PCDHA5: variants seen among roughly 807,000 people sequenced by gnomAD.
PCDHA5 encodes the protein protocadherin alpha-5.
In PCDHA5, 43 loss-of-function variants were observed where a neutral mutation model predicts 61.6. The ratio of observed to expected loss-of-function variants is 0.70; its 90% CI spans 0.55 to 0.90. The LOEUF is 0.90. Among genes scored for constraint, PCDHA5 ranks in the 40% least tolerant of loss-of-function variants. PCDHA5 has a pLI of 0.00. For synonymous variants in PCDHA5, 627 were observed against 543.9 expected (o/e 1.15, Z -2.13); for missense variants, 1,298 against 1,222.7 (o/e 1.06, Z -0.92).
intron 3 of PCDHA5, among the ~76,000 whole-genome samples, chr5:140,989,205 C>G (rs750885432): frequency 6.6e-6 from 1 of 152,192 alleles, no homozygotes; most frequent in Admixed American, 6.5e-5. Flanking sequence ...TTCTAGCTTT[C>G]TTTATACACC....
chr5:140,980,614 G>T (rs2153822225), intron 2 of PCDHA5, among the ~76,000 whole-genome samples: 1 of 152,088 alleles, frequency 6.6e-6, no homozygotes, highest in Admixed American at 6.5e-5. Context: ...TGGCGACAGT[G>T]CGAGACTCTG....
chr5:140,828,786 T>C (rs2150158991), intron 1 of PCDHA5: 1 of 1,614,102 alleles, frequency 6.2e-7, no homozygotes, highest in Non-Finnish European at 8.5e-7. Context: ...CTGGTCACAG[T>C]GCTGGATGTG....
chr5:140,964,560 TGGGAGGAGATAAG>T (rs2095840156), intron 1 of PCDHA5, among the ~76,000 whole-genome samples: 1 of 152,082 alleles, frequency 6.6e-6, no homozygotes, highest in Admixed American at 6.6e-5. Context: ...CTTGGAGGGC[TGGGAGGAGATAAG>T]GGGAGGAAAG....
intron 1 of PCDHA5, among the ~76,000 whole-genome samples, chr5:140,944,520 T>G (rs1554216391): frequency 6.6e-6 from 1 of 152,140 alleles, no homozygotes; most frequent in Non-Finnish European, 1.5e-5. Flanking sequence ...TATTTTGTGC[T>G]TTAAATGATT....
intron 1 of PCDHA5, among the ~76,000 whole-genome samples, chr5:140,894,455 T>C (rs1316862860): frequency 6.6e-6 from 1 of 152,000 alleles, no homozygotes; most frequent in Non-Finnish European, 1.5e-5. Flanking sequence ...TTAAAAAATA[T>C]TTTACTTTTT....
chr5:140,830,001 T>C, intron 1 of PCDHA5: 1 of 1,613,958 alleles, frequency 6.2e-7, no homozygotes, highest in South Asian at 1.1e-5. Flanking sequence ...ACTCGTGTCC[T>C]GGACGAAGCG....
At chr5:140,853,785 C>A in intron 1 of PCDHA5, 1 of 987,514 alleles carries the variant, frequency 1.0e-6, no homozygotes. Flanking sequence ...GTAGTAAGAG[C>A]AAATTTTCAT....
chr5:140,843,792 GT>G, intron 1 of PCDHA5: 1 of 1,356,394 alleles, frequency 7.4e-7, no homozygotes, highest in South Asian at 1.4e-5. Flanking sequence ...TTCAGATTTA[GT>G]TTTTCACCGT....
At chr5:140,858,305 C>A in intron 1 of PCDHA5, 1 of 1,597,172 alleles carries the variant, frequency 6.3e-7, no homozygotes. Context: ...GCAGCAGAGG[C>A]GGCAGAGGGT....
intron 1 of PCDHA5, chr5:140,836,321 C>T (rs781844463): frequency 6.2e-7 from 1 of 1,613,768 alleles, no homozygotes; most frequent in Non-Finnish European, 8.5e-7. Context: ...CGCGCCACCG[C>T]CTTCTGGTGC....
At chr5:140,856,081 G>T in intron 1 of PCDHA5, 1 of 1,595,042 alleles carries the variant, frequency 6.3e-7, no homozygotes, top group Non-Finnish European at 8.6e-7. Context: ...TGGGGGTCCA[G>T]TGTCTGCTGC....
intron 3 of PCDHA5, among the ~76,000 whole-genome samples, chr5:141,009,094 C>T (rs1350235475): frequency 6.6e-6 from 1 of 152,176 alleles, no homozygotes; most frequent in Non-Finnish European, 1.5e-5. Flanking sequence ...AAGAACCAAA[C>T]ATATGTTACT....
chr5:140,837,856 T>A (rs1212589641), intron 1 of PCDHA5, among the ~76,000 whole-genome samples: 1 of 151,590 alleles, frequency 6.6e-6, no homozygotes, highest in African/African-American at 2.4e-5. Context: ...TTTATTTTAT[T>A]TTTGTAGAGA....
At chr5:140,830,165 G>T (rs781932240) in intron 1 of PCDHA5, 1 of 1,613,446 alleles carries the variant, frequency 6.2e-7, no homozygotes, top group Non-Finnish European at 8.5e-7. Flanking sequence ...CCCAGAGGCG[G>T]CGCTGGTGGA....
chr5:140,856,851 C>T (rs140022509), intron 1 of PCDHA5: 4 of 1,593,160 alleles, frequency 2.5e-6, no homozygotes, highest in Admixed American at 1.7e-5. Context: ...GCTTCTGATT[C>T]GGATGAAGGA....
At chr5:140,969,388 A>C in intron 1 of PCDHA5, 2 of 1,595,066 alleles carry the variant, frequency 1.3e-6, no homozygotes, top group Non-Finnish European at 1.7e-6. Context: ...CACATCCCCC[A>C]ATATCCTGTG....
intron 2 of PCDHA5, among the ~76,000 whole-genome samples, chr5:140,981,149 G>T (rs2096919822): frequency 6.6e-6 from 1 of 152,202 alleles, no homozygotes; most frequent in South Asian, 2.1e-4. Flanking sequence ...AGAAAACATT[G>T]AACTTATATG....
intron 3 of PCDHA5, among the ~76,000 whole-genome samples, chr5:140,991,228 TGCAGTGGTAAAG>T (rs1452293099): frequency 1.1e-4 from 16 of 152,220 alleles, no homozygotes; most frequent in Non-Finnish European, 2.4e-4. Flanking sequence ...CATTAATAAA[TGCAGTGGTAAAG>T]GCAGTATTTG....
Position 140,828,183 on chromosome 5 carries a change from T to C in PCDHA5, c.2352+4056T>C, listed in dbSNP as rs2150151991. The C allele has an allele frequency of 1.9e-6, 3 of 1,614,120 alleles. No individual in the cohort carries two copies. The Admixed American group carries it at 5.0e-5, about 27-fold the overall frequency. ...GCCTGGAAGGTGGGGAGCGGCCAGC[T>C]CCACTACTCCGTACCCGAGGAGGCC... On this transcript the variant is annotated intron_variant, in intron 1 of 3. Coordinates refer to ENST00000529859, the MANE Select transcript of PCDHA5 (RefSeq NM_018908.3).
Sources: allele counts gnomAD v4.1 joint callset (sites outside exome capture counted in the v4.1 genomes callset), GRCh38; gene constraint gnomAD v4.1.1; transcripts MANE v1.5; gene names NCBI Gene and HGNC (gene_info 2026-07-23, HGNC 2026-07-21).